The following DLG2 variants were observed in gnomAD, a reference collection of about 807,000 sequenced individuals.
The protein encoded by DLG2 is discs large MAGUK scaffold protein 2, also known as disks large homolog 2.
DLG2 carries 45 observed loss-of-function variants against 132.5 expected under a neutral mutation model. The observed-to-expected ratio is 0.34, with a 90% CI of 0.27 to 0.44. DLG2 has a LOEUF of 0.44. Among genes scored for constraint, DLG2 ranks in the 20% least tolerant of loss-of-function variants. DLG2 has a pLI of 1.00. For synonymous variants in DLG2, 424 were observed against 419.6 expected (o/e 1.01, Z -0.13); for missense variants, 1,045 against 1,196.9 (o/e 0.87, Z 1.87).
intron 18 of DLG2, among the ~76,000 whole-genome samples, chr11:83,749,149 T>C (rs1046135968): frequency 1.3e-5 from 2 of 152,172 alleles, no homozygotes; most frequent in Admixed American, 6.5e-5. Context: ...ATTGGAATTC[T>C]AGCAGCACAA....
At chr11:83,798,273 C>G (rs955310081) in intron 17 of DLG2, among the ~76,000 whole-genome samples, 1 of 152,148 alleles carries the variant, frequency 6.6e-6, no homozygotes, top group East Asian at 1.9e-4. Context: ...AACTTGTTTC[C>G]TCATATGCAT....
chr11:84,690,421 G>A lies in DLG2; in HGVS notation c.358-155690C>T, dbSNP rs116879524. Among the ~76,000 whole-genome samples the A allele has an allele frequency of 6.1e-3, 914 of 150,572 alleles. 5 individuals carry two copies. Among genetic ancestry groups the A allele is most frequent in the Non-Finnish European group, 0.01 (685 of 67,554 alleles). On this transcript the variant is annotated intron_variant, in intron 6 of 27. Transcript: ENST00000376104. Reference sequence around the variant, plus strand: ...AAATATACACAATTATTTGTCAATCGGAATAAATTGTATTTAAAAATACTT... The same window carrying A: ...AAATATACACAATTATTTGTCAATCAGAATAAATTGTATTTAAAAATACTT...
intron 8 of DLG2, among the ~76,000 whole-genome samples, chr11:84,164,448 T>C (rs937143497): frequency 2.6e-5 from 4 of 152,134 alleles, no homozygotes; most frequent in African/African-American, 9.7e-5. Flanking sequence ...AAGCCATACT[T>C]TTTATAGGAT....
chr11:85,060,865 T>A (rs2064040300), intron 6 of DLG2, among the ~76,000 whole-genome samples: 1 of 151,752 alleles, frequency 6.6e-6, no homozygotes, highest in East Asian at 1.9e-4. Flanking sequence ...TTTTCTTTTT[T>A]TGTTGTTTTT....
rs1232366442 is a variant in DLG2, at chr11:84,377,174, C to CAATA, written c.520-125884_520-125883insTATT. ...AAGTTGAATCCAAATATAATCCAGG[C>CAATA]TTTATACTTATTTTTTAGTTTATAG... On this transcript the variant is annotated intron_variant, in intron 7 of 27. Transcript: ENST00000376104. Among the ~76,000 whole-genome samples the CAATA allele has an allele frequency of 3.9e-5, 6 of 152,002 alleles. No homozygotes were observed. The South Asian group carries it at 8.3e-4, about 21-fold the overall frequency.
chr11:83,471,814 C>A, intron 23 of DLG2, 87 bp from the exon 24 acceptor site: 2 of 1,067,634 alleles, frequency 1.9e-6, no homozygotes, highest in Admixed American at 2.0e-5. Flanking sequence ...TCTTAATTGC[C>A]AGACAGTAAG....
chr11:84,186,527 T>G (rs2096279766), intron 8 of DLG2, among the ~76,000 whole-genome samples: 1 of 151,992 alleles, frequency 6.6e-6, no homozygotes, highest in Non-Finnish European at 1.5e-5. Flanking sequence ...TAATAGGTAT[T>G]CTATAAATAT....
At chr11:84,177,625 T>C (rs1042181744) in intron 8 of DLG2, among the ~76,000 whole-genome samples, 5 of 152,186 alleles carry the variant, frequency 3.3e-5, no homozygotes, top group African/African-American at 1.2e-4. Flanking sequence ...GGAAGTAAAG[T>C]ACAGTTCTCA....
intron 3 of DLG2, among the ~76,000 whole-genome samples, chr11:85,466,407 T>A (rs1375229484): frequency 1.3e-5 from 2 of 152,186 alleles, no homozygotes; most frequent in Non-Finnish European, 2.9e-5. Context: ...CTGAATGGTA[T>A]TGCCTAGGTA....
At chr11:84,747,659 C>T (rs560518778) in intron 6 of DLG2, among the ~76,000 whole-genome samples, 11 of 152,322 alleles carry the variant, frequency 7.2e-5, no homozygotes, top group Admixed American at 3.9e-4. Context: ...TCATGTCTCA[C>T]GAGCTGCCTT....
chr11:84,817,215 G>T (rs2077173964), intron 6 of DLG2, among the ~76,000 whole-genome samples: 1 of 152,030 alleles, frequency 6.6e-6, no homozygotes. Context: ...AACCATTTCA[G>T]TTGAACTGTT....
chr11:84,023,281 C>T (rs938981835), intron 11 of DLG2, among the ~76,000 whole-genome samples: 2 of 152,090 alleles, frequency 1.3e-5, no homozygotes, highest in African/African-American at 4.8e-5. Flanking sequence ...TAATGATTTC[C>T]TAGCTACCAT....
At chr11:85,128,816 C>A (rs1251010861) in intron 5 of DLG2, among the ~76,000 whole-genome samples, 1 of 152,102 alleles carries the variant, frequency 6.6e-6, no homozygotes, top group Non-Finnish European at 1.5e-5. Flanking sequence ...GAGATGACTT[C>A]ATTTACCTCA....
At chr11:85,286,006 T>A in intron 3 of DLG2, 1 of 346,086 alleles carries the variant, frequency 2.9e-6, no homozygotes, top group Non-Finnish European at 5.6e-6. Context: ...GATCCCAAGA[T>A]GAAATGCAGA....
intron 7 of DLG2, among the ~76,000 whole-genome samples, chr11:84,433,614 A>G (rs2098991407): frequency 6.6e-6 from 1 of 152,254 alleles, no homozygotes; most frequent in Admixed American, 6.5e-5. Context: ...AAAGAATAAC[A>G]AAGAATCTCT....
intron 3 of DLG2, among the ~76,000 whole-genome samples, chr11:85,572,712 G>A (rs961768271): frequency 2.0e-5 from 3 of 152,168 alleles, no homozygotes; most frequent in Non-Finnish European, 4.4e-5. Flanking sequence ...TTTGAACCAA[G>A]TAACTGAGAA....
chr11:84,245,386 A>G (rs550936377), intron 8 of DLG2, among the ~76,000 whole-genome samples: 1 of 152,340 alleles, frequency 6.6e-6, no homozygotes, highest in Admixed American at 6.5e-5. Flanking sequence ...TAACTTTTAC[A>G]TAAATAACTT....
In DLG2 at chr11:83,838,331, G is replaced by A. The variant is rs554767209; in HGVS notation, c.1566-4561C>T. ...CATTTTTAAACTTTTCCTTATGTTT[G>A]AAAAATGTTTATAATGAAATTATGA... On this transcript the variant is annotated intron_variant, in intron 16 of 27. Coordinates refer to ENST00000376104, the MANE Select transcript of DLG2 (RefSeq NM_001142699.3). Among the ~76,000 whole-genome samples, 13 of 152,190 alleles carry A rather than the reference G, an allele frequency of 8.5e-5. No individual in the cohort carries two copies. The East Asian group carries it at 2.5e-3, about 29-fold the overall frequency.
At chr11:84,591,769 T>G (rs1464920603) in intron 6 of DLG2, among the ~76,000 whole-genome samples, 1 of 152,114 alleles carries the variant, frequency 6.6e-6, no homozygotes, top group Non-Finnish European at 1.5e-5. Context: ...TGGGAAGCAT[T>G]TACAACTCCT....
Sources: allele counts gnomAD v4.1 joint callset (sites outside exome capture counted in the v4.1 genomes callset), GRCh38; gene constraint gnomAD v4.1.1; transcripts MANE v1.5; gene names NCBI Gene and HGNC (gene_info 2026-07-23, HGNC 2026-07-21).